The following ENTREP2 variants were observed in gnomAD, a reference collection of about 807,000 sequenced individuals.
ENTREP2 encodes endosomal transmembrane epsin interactor 2, also known as protein ENTREP2.
chr15:29,556,643 C>A, the ENTREP2 span, among the ~76,000 whole-genome samples: 14 of 152,176 alleles, frequency 9.2e-5, no homozygotes, highest in Non-Finnish European at 1.0e-4. Context: ...CGGCTGACTC[C>A]CGCACATTTC....
At chr15:29,354,946 T>C in the ENTREP2 span, among the ~76,000 whole-genome samples, 1 of 152,176 alleles carries the variant, frequency 6.6e-6, no homozygotes, top group Non-Finnish European at 1.5e-5. Context: ...TGGAGGCTGA[T>C]CTTGATGAGG....
the ENTREP2 span, among the ~76,000 whole-genome samples, chr15:29,305,018 G>A: frequency 2.0e-5 from 3 of 152,060 alleles, no homozygotes; most frequent in African/African-American, 4.8e-5. Context: ...TCTAACAGAC[G>A]TTACCATTTT....
chr15:29,234,049 A>G, the ENTREP2 span: 1 of 1,461,668 alleles, frequency 6.8e-7, no homozygotes, highest in African/African-American at 1.4e-5. Context: ...CTCATCCTCT[A>G]TTGCTTTGTG....
At chr15:29,142,515 G>T in the ENTREP2 span, among the ~76,000 whole-genome samples, 1 of 152,224 alleles carries the variant, frequency 6.6e-6, no homozygotes, top group Non-Finnish European at 1.5e-5. Flanking sequence ...TGCAGCCAGT[G>T]CTGGGGTGAG....
chr15:29,441,914 C>G, the ENTREP2 span, among the ~76,000 whole-genome samples: 12 of 152,334 alleles, frequency 7.9e-5, no homozygotes, highest in South Asian at 2.5e-3. Context: ...CCAGGCCCAT[C>G]TGCTGAGCTC....
At chr15:29,522,743 G>C in the ENTREP2 span, among the ~76,000 whole-genome samples, 84 of 152,252 alleles carry the variant, frequency 5.5e-4, no homozygotes, top group Non-Finnish European at 1.1e-3. Flanking sequence ...GAAATGACCT[G>C]TCTGATGTTT....
chr15:29,209,905 G>A, the ENTREP2 span, among the ~76,000 whole-genome samples: 2 of 152,232 alleles, frequency 1.3e-5, no homozygotes, highest in Admixed American at 1.3e-4. Context: ...TGAAATTAGT[G>A]GAAGGATGTA....
At chr15:29,392,126 C>G in the ENTREP2 span, among the ~76,000 whole-genome samples, 1 of 151,196 alleles carries the variant, frequency 6.6e-6, no homozygotes, top group Non-Finnish European at 1.5e-5. Flanking sequence ...CTGTGCCCGG[C>G]CTTTTTTTGT....
chr15:29,480,731 A>C, the ENTREP2 span, among the ~76,000 whole-genome samples: 1 of 152,116 alleles, frequency 6.6e-6, no homozygotes, highest in Non-Finnish European at 1.5e-5. Flanking sequence ...AACCTGGTGG[A>C]CACTGGTTTA....
the ENTREP2 span, among the ~76,000 whole-genome samples, chr15:29,399,368 G>T: frequency 6.6e-6 from 1 of 152,108 alleles, no homozygotes; most frequent in Non-Finnish European, 1.5e-5. Context: ...CATAACAATA[G>T]AAAACTAATA....
the ENTREP2 span, among the ~76,000 whole-genome samples, chr15:29,361,548 T>C: frequency 2.0e-5 from 3 of 152,212 alleles, no homozygotes; most frequent in African/African-American, 7.2e-5. Flanking sequence ...CCAACTCATA[T>C]CATAACCTCA....
At chr15:29,175,866 A>G in the ENTREP2 span, among the ~76,000 whole-genome samples, 1 of 152,230 alleles carries the variant, frequency 6.6e-6, no homozygotes, top group Non-Finnish European at 1.5e-5. Flanking sequence ...TTGGCCTCCC[A>G]AAGTGCTGGG....
the ENTREP2 span, among the ~76,000 whole-genome samples, chr15:29,574,787 T>C: frequency 5.3e-5 from 8 of 152,318 alleles, no homozygotes; most frequent in South Asian, 1.5e-3. Context: ...ATCTAGACCC[T>C]TGGTAGCCTC....
At chr15:29,356,198 T>C in the ENTREP2 span, among the ~76,000 whole-genome samples, 2 of 145,378 alleles carry the variant, frequency 1.4e-5, no homozygotes, top group Non-Finnish European at 3.0e-5. Context: ...GGGTTGAGGA[T>C]ACTTTTGAAA....
the ENTREP2 span, among the ~76,000 whole-genome samples, chr15:29,542,474 A>ATT: frequency 2.4e-4 from 35 of 146,306 alleles, no homozygotes; most frequent in East Asian, 1.0e-3. Flanking sequence ...AATTTGTTGT[A>ATT]TTTTTTTTTT....
chr15:29,435,335 C>A, the ENTREP2 span, among the ~76,000 whole-genome samples: 2 of 152,096 alleles, frequency 1.3e-5, no homozygotes, highest in African/African-American at 2.4e-5. Flanking sequence ...ATATAAATTT[C>A]AAATGAGGAC....
chr15:29,335,896 C>A, the ENTREP2 span, among the ~76,000 whole-genome samples: 1 of 152,016 alleles, frequency 6.6e-6, no homozygotes, highest in African/African-American at 2.4e-5. Flanking sequence ...AATCCCAGCA[C>A]TTTGGGAGGC....
At chr15:29,526,939 T>G in the ENTREP2 span, among the ~76,000 whole-genome samples, 2 of 152,154 alleles carry the variant, frequency 1.3e-5, no homozygotes, top group African/African-American at 4.8e-5. Context: ...ACTAACGATC[T>G]CCATGCTGTG....
the ENTREP2 span, among the ~76,000 whole-genome samples, chr15:29,496,185 TTC>T: frequency 6.8e-6 from 1 of 147,818 alleles, no homozygotes; most frequent in Non-Finnish European, 1.5e-5. Context: ...ATTTCTTAAT[TTC>T]TTTTTCTAAT....
Sources: allele counts gnomAD v4.1 joint callset (sites outside exome capture counted in the v4.1 genomes callset), GRCh38; gene constraint gnomAD v4.1.1; transcripts MANE v1.5; gene names NCBI Gene and HGNC (gene_info 2026-07-23, HGNC 2026-07-21).